The following TNK2 variants were observed in gnomAD, a reference collection of about 807,000 sequenced individuals.
TNK2 encodes the protein tyrosine kinase non receptor 2.
Under a neutral mutation model 101.8 loss-of-function variants are expected in TNK2, and 83 were observed. The ratio of observed to expected loss-of-function variants is 0.82; its 90% CI spans 0.68 to 0.98. TNK2 has a LOEUF of 0.98. Among genes scored for constraint, TNK2 ranks in the 50% least tolerant of loss-of-function variants. TNK2 has a pLI of 0.00. For missense variants in TNK2, 1,665 were observed against 1,483.2 expected (o/e 1.12, Z -2.01); for synonymous variants, 804 against 633.0 (o/e 1.27, Z -4.06).
Position 195,867,661 on chromosome 3 carries a change from C to T in TNK2, c.2637G>A (p.Glu879=), listed in dbSNP as rs1471759551. The T allele has an allele frequency of 1.2e-6, 2 of 1,605,538 alleles. No homozygotes were observed. Among genetic ancestry groups the T allele is most frequent in the African/African-American group, 2.7e-5 (2 of 74,880 alleles). The change falls in exon 13 of 16, where the codon GAG becomes GAA. Residue 879 remains glutamate, a synonymous_variant. Coordinates refer to ENST00000672887, the MANE Select transcript of TNK2 (RefSeq NM_001382273.1). ...GGTAGCGCTCCAGGTAGGATGGTCG[C>T]TCGGGCAGCAAGTAATAGTGGGTGC... ...VSSTHYYLLP[E]RPSYLERYQR... is the part of the protein sequence containing the mutation.
chr3:195,872,124 A>C (rs1298264415), intron 10 of TNK2, 152 bp downstream of exon 10: 1 of 892,886 alleles, frequency 1.1e-6, no homozygotes, highest in Non-Finnish European at 1.7e-6. Flanking sequence ...GCTTCCCGAG[A>C]GTAAGGCCAG....
intron 9 of TNK2, among the ~76,000 whole-genome samples, chr3:195,875,627 CCCTT>C (rs1335088432): frequency 6.7e-6 from 1 of 149,834 alleles, no homozygotes; most frequent in Admixed American, 6.6e-5. Flanking sequence ...CTGAGGCCAG[CCCTT>C]CCTTCCAGGC....
chr3:195,881,572 C>A (rs544739925), intron 6 of TNK2, among the ~76,000 whole-genome samples: 7 of 74,984 alleles, frequency 9.3e-5, no homozygotes, highest in Non-Finnish European at 1.4e-4. Flanking sequence ...GACACAGCAT[C>A]TATCCCTGTA....
intron 11 of TNK2, 101 bp from the exon 12 acceptor site, chr3:195,869,642 G>A (rs1743545820): frequency 2.0e-5 from 24 of 1,197,924 alleles, no homozygotes; most frequent in Non-Finnish European, 2.9e-5. Context: ...GAGAGACGAA[G>A]GGAGAGAAGT....
At chr3:195,879,278 T>G in intron 6 of TNK2, 103 bp from the exon 7 acceptor site, 1 of 1,537,848 alleles carries the variant, frequency 6.5e-7, no homozygotes, top group Non-Finnish European at 8.8e-7. Context: ...TGTGACCCCC[T>G]GTGCCAGGTT....
Position 195,879,161 on chromosome 3 carries a change from C to A in TNK2, c.902G>T (p.Ser301Ile). The A allele has an allele frequency of 6.2e-7, 1 of 1,613,536 alleles. No homozygotes were observed. The highest frequency in any genetic ancestry group is 8.5e-7 in the Non-Finnish European group (1 of 1,179,992). The change falls in exon 7 of 16, where the codon AGC becomes ATC. Residue 301 changes from serine (S) to isoleucine (I), a missense_variant. Ser to Ile is a moderately radical substitution (Grantham distance 142, BLOSUM62 -2). Transcript: ENST00000672887. ...ATGGGAGAAGGTGCGTGTCTTCAGG[C>A]TCTCGGGGGCACACCTGGCAGAGGC... ...KVPFAWCAPE[S>I]LKTRTFSHAS... is the part of the protein sequence containing the mutation.
chr3:195,892,481 G>A, intron 1 of TNK2: 1 of 1,535,630 alleles, frequency 6.5e-7, no homozygotes, highest in South Asian at 1.2e-5. Context: ...CCGACGTGCT[G>A]CCGGCATCTC....
intron 1 of TNK2, among the ~76,000 whole-genome samples, chr3:195,901,119 GC>G (rs1233036371): frequency 6.6e-6 from 1 of 152,178 alleles, no homozygotes; most frequent in Non-Finnish European, 1.5e-5. Context: ...GAGCCTGGGA[GC>G]CAGAGAAATG....
At chr3:195,881,923 C>A in intron 6 of TNK2, 128 bp downstream of exon 6, 2 of 1,169,428 alleles carry the variant, frequency 1.7e-6, no homozygotes, top group Middle Eastern at 2.6e-4. Context: ...AAGGAGGGCA[C>A]CCCAGGCTTA....
chr3:195,869,451 A>G (rs1560481353), intron 12 of TNK2, 46 bp downstream of exon 12: 7 of 1,466,016 alleles, frequency 4.8e-6, no homozygotes, highest in Non-Finnish European at 6.4e-6. Flanking sequence ...AGTGAGAGAG[A>G]GGGGGCGGGG....
At chr3:195,898,594 T>C (rs1760892780) in intron 1 of TNK2, among the ~76,000 whole-genome samples, 1 of 152,004 alleles carries the variant, frequency 6.6e-6, no homozygotes, top group Non-Finnish European at 1.5e-5. Flanking sequence ...AGCCAAGTGT[T>C]TGCCCTTCCC....
At position 195,867,636 on chromosome 3, in the gene TNK2, G is replaced by A. The variant is rs1408328379; in HGVS notation, c.2662C>T (p.Gln888Ter). The change falls in exon 13 of 16, where the codon CAG (glutamine) becomes TAG (stop). Residue 888 changes from glutamine (Q) to a stop codon, truncating the protein, a stop_gained. Transcript: ENST00000672887. LOFTEE classifies it high-confidence loss of function. ...PERPSYLERY[Q>*]RFLREAQSPE... ...CTCTGGGCCTCACGCAGGAAGCGCTGGTAGCGCTCCAGGTAGGATGGTCGC... is the reference window on the plus strand; with the variant it reads ...CTCTGGGCCTCACGCAGGAAGCGCTAGTAGCGCTCCAGGTAGGATGGTCGC... The A allele has an allele frequency of 1.2e-6, 2 of 1,601,716 alleles. No homozygotes were observed. Among genetic ancestry groups the A allele is most frequent in the East Asian group, 2.2e-5 (1 of 44,874 alleles).
chr3:195,873,259 G>A (rs939665397), intron 9 of TNK2, among the ~76,000 whole-genome samples: 4 of 152,212 alleles, frequency 2.6e-5, no homozygotes, highest in East Asian at 1.9e-4. Context: ...GGCCTAAGCC[G>A]GGGCCTGGGC....
rs769330918 is a variant in TNK2 at position 195,872,498 on chromosome 3, G to A, written c.1257-28C>T. 35 of 1,552,268 alleles carry A rather than the reference G, an allele frequency of 2.3e-5. No homozygotes were observed. In the South Asian group the frequency reaches 3.1e-4, roughly 14 times the overall value. On this transcript the variant is annotated intron_variant, in intron 9 of 15. Coordinates refer to ENST00000672887, the MANE Select transcript of TNK2 (RefSeq NM_001382273.1). ...GCGCGACAGAGATGGCACGGTGAACGCCAGGCGTGGCGGGGCAGCCCCGGC... is the reference window on the plus strand; with the variant it reads ...GCGCGACAGAGATGGCACGGTGAACACCAGGCGTGGCGGGGCAGCCCCGGC...
At chr3:195,906,925 T>C (rs76833542) in intron 1 of TNK2, among the ~76,000 whole-genome samples, 3,621 of 152,186 alleles carry the variant, frequency 0.024, 83 homozygotes, top group African/African-American at 0.068. Flanking sequence ...CCAAAGGGCC[T>C]GAGGTTTCTT....
chr3:195,885,106 G>A lies in TNK2; in HGVS notation c.235-73C>T, dbSNP rs1755030672. The A allele has an allele frequency of 1.4e-6, 2 of 1,420,344 alleles. No individual in the cohort carries two copies. The highest frequency in any genetic ancestry group is 2.9e-5 in the African/African-American group (2 of 69,502). 88.0% of individuals were successfully genotyped at this position (1,420,344 alleles called of 1,614,324 possible). A position where few individuals can be genotyped will look rare whatever the true frequency, so the allele number is the denominator to read the frequency against. On this transcript the variant is annotated intron_variant, in intron 3 of 15. Transcript: ENST00000672887. This position sits in a 1 kb window ranked among gnomAD's most constrained non-coding sequence, Gnocchi z 4.7. ...CAGTCACTCAGTCCCACCCCGCTGG[G>A]TCCACCTGGTGATCCCCGGCTTCGG... is the stretch of plus-strand genomic sequence containing the variant.
chr3:195,868,626 G>T lies in TNK2; in HGVS notation c.1672C>A (p.Pro558Thr). 6.3e-7 allele frequency: 1 copy of T among 1,592,030 alleles called. No individual in the cohort carries two copies. The highest frequency in any genetic ancestry group is 8.5e-7 in the Non-Finnish European group (1 of 1,177,120). ...KRLGLRKPGL[P>T]RGLWLAKPSA... ...GGCTTCGCCAGCCACAGCCCTCGGGGCAGGCCTGGCTTCCGCAGGCCCAGC... is the reference window on the plus strand; with the variant it reads ...GGCTTCGCCAGCCACAGCCCTCGGGTCAGGCCTGGCTTCCGCAGGCCCAGC... Residue 558 changes from proline (P) to threonine (T), a missense_variant, in exon 13 of 16, where the codon CCC becomes ACC. Transcript: ENST00000672887.
rs1445725462 is a variant in TNK2, at chr3:195,867,961, C to G, written c.2337G>C (p.Glu779Asp). 6 of 1,545,696 alleles carry G rather than the reference C, an allele frequency of 3.9e-6. No homozygotes were observed. Residue 779 changes from glutamate to aspartate, a missense_variant, in exon 13 of 16, where the codon GAG becomes GAC. Coordinates refer to ENST00000672887, the MANE Select transcript of TNK2 (RefSeq NM_001382273.1). ...CAGGTCCAGGCCACTGGCTGGTCTC[C>G]TCCTCGCCCGGGGGGGCTGGAGACA... The part of the protein sequence containing the change: ...VQLSPAPPGE[E>D]ETSQWPGPAS...
In TNK2 at chr3:195,888,432, G is replaced by A. The variant is rs142416449; in HGVS notation, c.157C>T (p.Arg53Trp). ...AGGCCAACATCCCACCTACCAGGCCGACCCATGCCGATCTTCTCCAGGTCC... is the reference window on the plus strand; with the variant it reads ...AGGCCAACATCCCACCTACCAGGCCAACCCATGCCGATCTTCTCCAGGTCC... ...NEDLEKIGMGRPGQRRLWEAV... is the reference protein window; with the variant it reads ...NEDLEKIGMGWPGQRRLWEAV... The change falls in exon 2 of 16, where the codon CGG becomes TGG. Residue 53 changes from arginine to tryptophan, a missense_variant. Arg to Trp is a moderately radical substitution (Grantham distance 101). Coordinates refer to ENST00000672887, the MANE Select transcript of TNK2 (RefSeq NM_001382273.1). The surrounding 1 kb of genome is among the most constrained non-coding windows in gnomAD (Gnocchi z 5.3). The A allele has an allele frequency of 3.0e-5, 49 of 1,613,160 alleles. No individual in the cohort carries two copies. The African/African-American group carries it at 3.1e-4, about 10-fold the overall frequency.
Sources: allele counts gnomAD v4.1 joint callset (sites outside exome capture counted in the v4.1 genomes callset), GRCh38; gene constraint gnomAD v4.1.1; non-coding constraint Gnocchi (gnomAD v3.1); transcripts MANE v1.5; gene names NCBI Gene and HGNC (gene_info 2026-07-23, HGNC 2026-07-21).